Variants in PRKN observed in about 807,000 individuals in gnomAD.
The protein encoded by PRKN is parkin RBR E3 ubiquitin protein ligase.
PRKN carries 56 observed loss-of-function variants against 59.5 expected under a neutral mutation model. That is an observed-to-expected ratio of 0.94 (90% CI 0.76 to 1.18). PRKN has a LOEUF of 1.18. Among genes scored for constraint, PRKN ranks in the 50% most tolerant of loss-of-function variants. The pLI, the probability that PRKN is intolerant of heterozygous loss-of-function variation, is 0.00. For synonymous variants in PRKN, 250 were observed against 222.1 expected, an observed-to-expected ratio of 1.13 and a Z score of -1.12; for missense variants, 657 against 596.4, an observed-to-expected ratio of 1.10 and a Z score of -1.06.
chr6:162,701,519 A>G lies in PRKN; in HGVS notation c.7+26143T>C, dbSNP rs527620202. Among the ~76,000 whole-genome samples the G allele has an allele frequency of 7.2e-5, 11 of 152,146 alleles. No homozygotes were observed. In the South Asian group the frequency reaches 1.7e-3, roughly 23 times the overall value. On this transcript the variant is annotated intron_variant, in intron 1 of 11. Coordinates refer to ENST00000366898, the MANE Select transcript of PRKN (RefSeq NM_004562.3). Reference sequence around the variant, plus strand: ...ATGGGTCAGCACTGGAATTAACCCTATAACAACAGTAATTTACATGAACTA... The same window carrying G: ...ATGGGTCAGCACTGGAATTAACCCTGTAACAACAGTAATTTACATGAACTA...
intron 6 of PRKN, among the ~76,000 whole-genome samples, chr6:161,927,978 C>T (rs1289447306): frequency 3.3e-5 from 5 of 152,080 alleles, no homozygotes; most frequent in Non-Finnish European, 7.3e-5. Context: ...TGTTCCTTCC[C>T]CAAATTCATA....
chr6:162,328,639 A>T (rs540036446), intron 2 of PRKN, among the ~76,000 whole-genome samples: 91 of 152,184 alleles, frequency 6.0e-4, no homozygotes, highest in Non-Finnish European at 1.1e-3. Context: ...CGAATAAAGG[A>T]AGAAATGGCA....
At chr6:162,010,127 G>A (rs1782432389) in intron 5 of PRKN, among the ~76,000 whole-genome samples, 2 of 148,722 alleles carry the variant, frequency 1.3e-5, no homozygotes, top group African/African-American at 2.5e-5. Flanking sequence ...TGCTGCAGAT[G>A]TCACTTCCTC....
chr6:162,473,285 A>T (rs1791848209), intron 1 of PRKN, among the ~76,000 whole-genome samples: 1 of 152,184 alleles, frequency 6.6e-6, no homozygotes, highest in Admixed American at 6.5e-5. Context: ...TTGCAAACAA[A>T]TGATGTCTCC....
At chr6:161,678,216 CTT>C (rs3066554) in intron 7 of PRKN, among the ~76,000 whole-genome samples, 122 of 64,896 alleles carry the variant, frequency 1.9e-3, no homozygotes, top group African/African-American at 9.4e-3. Context: ...TACTGAATCA[CTT>C]TTTTTTTTTT....
chr6:161,768,989 A>T (rs1010525900), intron 7 of PRKN, among the ~76,000 whole-genome samples: 3 of 152,222 alleles, frequency 2.0e-5, no homozygotes, highest in Non-Finnish European at 2.9e-5. Context: ...CAATAGATCT[A>T]ATATAAGAAT....
chr6:161,947,103 T>C (rs1779810886), intron 6 of PRKN, among the ~76,000 whole-genome samples: 1 of 152,156 alleles, frequency 6.6e-6, no homozygotes, highest in East Asian at 1.9e-4. Context: ...TGTTTATGTG[T>C]AGATGTATGT....
At chr6:161,648,862 C>T (rs1196150032) in intron 7 of PRKN, among the ~76,000 whole-genome samples, 1 of 152,168 alleles carries the variant, frequency 6.6e-6, no homozygotes, top group African/African-American at 2.4e-5. Flanking sequence ...TTGGAAAATC[C>T]TCCAGAGTAT....
At chr6:161,978,209 C>A (rs962238258) in intron 5 of PRKN, among the ~76,000 whole-genome samples, 2 of 152,016 alleles carry the variant, frequency 1.3e-5, no homozygotes, top group African/African-American at 4.8e-5. Context: ...GCCACCATGC[C>A]CAACCAATTT....
chr6:162,540,635 C>T (rs1161209410), intron 1 of PRKN, among the ~76,000 whole-genome samples: 3 of 151,704 alleles, frequency 2.0e-5, no homozygotes, highest in African/African-American at 7.3e-5. Flanking sequence ...GGTTAAACCC[C>T]GCCTCTACTA....
intron 5 of PRKN, among the ~76,000 whole-genome samples, chr6:162,038,042 G>GA (rs890950727): frequency 2.2e-4 from 31 of 140,422 alleles, no homozygotes; most frequent in South Asian, 9.3e-4. Flanking sequence ...ACACAGTTCT[G>GA]AAAAAAAAAA....
At chr6:161,418,581 G>A (rs1787956427) in intron 9 of PRKN, among the ~76,000 whole-genome samples, 1 of 152,182 alleles carries the variant, frequency 6.6e-6, no homozygotes, top group Non-Finnish European at 1.5e-5. Context: ...CCGCCAGTAG[G>A]TGTCACTGTT....
chr6:162,657,814 T>C (rs922730225), intron 1 of PRKN, among the ~76,000 whole-genome samples: 13 of 152,122 alleles, frequency 8.5e-5, no homozygotes, highest in African/African-American at 3.1e-4. Flanking sequence ...AGTAGGGACA[T>C]GAGGGTTCCA....
chr6:161,586,316 C>G (rs73593502), intron 7 of PRKN, among the ~76,000 whole-genome samples: 4,548 of 152,298 alleles, frequency 0.03, 232 homozygotes, highest in African/African-American at 0.1. Context: ...CTGTGCTCAA[C>G]CTGCACCTTT....
intron 6 of PRKN, among the ~76,000 whole-genome samples, chr6:161,946,352 A>T (rs1040692088): frequency 1.2e-4 from 18 of 149,980 alleles, no homozygotes; most frequent in African/African-American, 3.7e-4. Context: ...TAAAGATGAA[A>T]ATAAATACGG....
At chr6:162,461,570 C>T (rs1791179874) in intron 1 of PRKN, among the ~76,000 whole-genome samples, 1 of 144,184 alleles carries the variant, frequency 6.9e-6, no homozygotes, top group African/African-American at 2.6e-5. Flanking sequence ...AAGAAGAGAC[C>T]AGCACTTTGG....
At chr6:161,980,901 C>G (rs1049479012) in intron 5 of PRKN, among the ~76,000 whole-genome samples, 5 of 152,068 alleles carry the variant, frequency 3.3e-5, no homozygotes, top group South Asian at 2.1e-4. Flanking sequence ...TAATCAGCCT[C>G]CACTAAAAAC....
intron 9 of PRKN, among the ~76,000 whole-genome samples, chr6:161,509,205 T>C (rs887743021): frequency 3.3e-5 from 5 of 151,986 alleles, no homozygotes; most frequent in Admixed American, 3.3e-4. Context: ...CTTTTCTTTT[T>C]TTTTTTTTTA....
rs540272888 is a variant in PRKN, at chr6:162,162,900, C to T, written c.534+38231G>A. On this transcript the variant is annotated intron_variant, in intron 4 of 11. Coordinates refer to ENST00000366898, the MANE Select transcript of PRKN (RefSeq NM_004562.3). ...GTGGGCACCTGTAGTCCCAGCTACT[C>T]GGGAGGCTGAGGCAGAAGAATCACT... Among the ~76,000 whole-genome samples, 369 of 148,044 alleles carry T rather than the reference C, an allele frequency of 2.5e-3. 45 individuals carry two copies. Among genetic ancestry groups the T allele is most frequent in the African/African-American group, 9.2e-3 (360 of 39,196 alleles).
Sources: gnomAD v4.1 joint callset for allele counts (sites outside exome capture counted in the v4.1 genomes callset) on GRCh38, gnomAD v4.1.1 for gene constraint, MANE v1.5 for transcripts, NCBI Gene and HGNC (gene_info 2026-07-23, HGNC 2026-07-21) for gene names.